The following CEP72 variants were observed in gnomAD, a reference collection of about 807,000 sequenced individuals.
CEP72 encodes the protein centrosomal protein 72.
CEP72 carries 78 observed loss-of-function variants against 65.7 expected under a neutral mutation model. The observed-to-expected ratio is 1.19, with a 90% CI of 0.99 to 1.43. The LOEUF (loss-of-function observed/expected upper bound fraction) is 1.43. CEP72 is among the 40% of genes most tolerant of loss of function. The probability of loss-of-function intolerance (pLI) is 0.00; values close to 1 mark genes in which losing one functional copy is unlikely to be tolerated. For missense variants in CEP72, 914 were observed against 832.9 expected, an observed-to-expected ratio of 1.10 and a Z score of -1.20; for synonymous variants, 358 against 351.7, an observed-to-expected ratio of 1.02 and a Z score of -0.20.
At chr5:619,283 C>T (rs186938985) in intron 2 of CEP72, among the ~76,000 whole-genome samples, 166 bp downstream of exon 2, 99 of 152,328 alleles carry the variant, frequency 6.5e-4, no homozygotes, top group Non-Finnish European at 5.9e-5. Context: ...TCATACACAT[C>T]ACGTTACGTT....
Position 639,848 on chromosome 5 carries a change from C to T in CEP72, c.1343-560C>T, listed in dbSNP as rs554311204. On this transcript the variant is annotated intron_variant, in intron 8 of 11. Coordinates refer to ENST00000264935, the MANE Select transcript of CEP72 (RefSeq NM_018140.4). Reference sequence around the variant, plus strand: ...AGCCTAGCCAGTGTGCTTCTCCCCGCAGACCCTGGGCACGGCTCTGAGCTG... The same window carrying T: ...AGCCTAGCCAGTGTGCTTCTCCCCGTAGACCCTGGGCACGGCTCTGAGCTG... Among the ~76,000 whole-genome samples the T allele has an allele frequency of 1.3e-5, 2 of 152,256 alleles. 1 individual carries two copies. Among genetic ancestry groups the T allele is most frequent in the South Asian group, 4.1e-4 (2 of 4,824 alleles).
rs1357013178 is a variant in CEP72, at chr5:640,551, G to T, written c.1486G>T (p.Ala496Ser). The change falls in exon 9 of 12, where the codon GCC (alanine) becomes TCC (serine). Residue 496 changes from alanine to serine, a missense_variant. By Grantham distance (99) the Ala-to-Ser change is moderately conservative (BLOSUM62 1). Transcript: ENST00000264935. ...CCTTGCTGAGCAGCAGCAGCAGCAC[G>T]CCCGGGAGATGAGCGAGGTGACGGC... is the stretch of plus-strand genomic sequence containing the variant. ...SRLAEQQQQH[A>S]REMSEVTAEL... is the part of the protein sequence containing the mutation. 1 of 1,614,056 alleles carries T rather than the reference G, an allele frequency of 6.2e-7. No individual in the cohort carries two copies.
At chr5:637,483 G>A (rs767160315) in intron 6 of CEP72, 34 bp from the exon 7 acceptor site, 1 of 1,581,892 alleles carries the variant, frequency 6.3e-7, no homozygotes, top group Non-Finnish European at 8.6e-7. Flanking sequence ...AGAGAATTTG[G>A]CCTGACGTGC....
intron 9 of CEP72, chr5:642,959 G>T (rs1738156643): frequency 1.0e-6 from 1 of 985,374 alleles, no homozygotes; most frequent in Admixed American, 6.1e-5. Flanking sequence ...CCCACTTCCA[G>T]CTGCTGTGCC....
intron 4 of CEP72, among the ~76,000 whole-genome samples, chr5:627,639 CTT>C (rs1344681523): frequency 2.0e-5 from 3 of 152,074 alleles, no homozygotes; most frequent in Admixed American, 2.0e-4. Flanking sequence ...ATTTGGAGCT[CTT>C]TTGTCTGCCA....
At chr5:649,450 T>G (rs1738760043) in intron 11 of CEP72, among the ~76,000 whole-genome samples, 2 of 21,186 alleles carry the variant, frequency 9.4e-5, no homozygotes, top group South Asian at 1.8e-3. Context: ...CTGTGAGGTG[T>G]GGACTGTGAG....
At chr5:672,040 G>A (rs1207603801), downstream of CEP72, among the ~76,000 whole-genome samples, 2 of 152,230 alleles carry the variant, frequency 1.3e-5, no homozygotes, top group Non-Finnish European at 2.9e-5. Flanking sequence ...TTGCCCTGTG[G>A]CGGCTGCCCT....
At chr5:663,800 G>A (rs1433990880) in intron 2 of CEP72, 1 of 152,398 alleles carries the variant, frequency 6.6e-6, no homozygotes, top group African/African-American at 2.4e-5. Flanking sequence ...TCCGCAGGTA[G>A]ACTCCAGAAC....
downstream of CEP72, among the ~76,000 whole-genome samples, chr5:658,093 G>A (rs1696423957): frequency 6.6e-6 from 1 of 152,236 alleles, no homozygotes; most frequent in African/African-American, 2.4e-5. Flanking sequence ...TTGAAGTTGT[G>A]TGTGTCCCTG....
In CEP72 at chr5:647,812, AAC is replaced by A; in HGVS notation, c.1676_1677del (p.Thr559LysfsTer41). 1 of 1,608,512 alleles carries A rather than the reference AAC, an allele frequency of 6.2e-7. No homozygotes were observed. The highest frequency in any genetic ancestry group is 8.5e-7 in the Non-Finnish European group (1 of 1,177,606). ...TLNLQIAGLQ[T>X]SVKRLCGEIV... ...TTTTTCTTTCTCTTTCAGGACTTCA[AAC>A]AAGTGTGAAGAGGCTGTGTGGCGAG... On this transcript the variant is annotated frameshift_variant, in exon 11 of 12. Coordinates refer to ENST00000264935, the MANE Select transcript of CEP72 (RefSeq NM_018140.4). LOFTEE classifies it high-confidence loss of function.
chr5:616,308 A>T (rs1399601270), intron 1 of CEP72, among the ~76,000 whole-genome samples: 3 of 151,874 alleles, frequency 2.0e-5, no homozygotes, highest in Non-Finnish European at 4.4e-5. Context: ...TTTTCTTTGA[A>T]ATTTCTATTT....
chr5:647,476 A>T (rs1738498914), intron 10 of CEP72, among the ~76,000 whole-genome samples: 1 of 152,118 alleles, frequency 6.6e-6, no homozygotes, highest in African/African-American at 2.4e-5. Flanking sequence ...TTCCTTGTGG[A>T]GGAGGAACCA....
At chr5:643,000 C>T (rs946237710) in intron 9 of CEP72, 1 of 985,358 alleles carries the variant, frequency 1.0e-6, no homozygotes, top group African/African-American at 1.7e-5. Context: ...ATGGGCTGCG[C>T]CCAGCTTGGG....
At chr5:669,229 C>T (rs981566999), downstream of CEP72, among the ~76,000 whole-genome samples, 20 of 152,160 alleles carry the variant, frequency 1.3e-4, no homozygotes, top group South Asian at 2.1e-4. Flanking sequence ...CCAGACCCGC[C>T]GGCCATAGGG....
Position 665,159 on chromosome 5 carries a change from A to G in CEP72, n.288-21A>G, listed in dbSNP as rs766450034. On this transcript the variant is annotated intron_variant and non_coding_transcript_variant, in intron 2 of 4. Coordinates refer to the CEP72 transcript ENST00000514507. The stretch of plus-strand genomic sequence containing the variant: ...TGCCTGCGTGCTTGTAGCCGGACAC[A>G]TAGCCTGACTCGTCCACCAGATCCA... The G allele has an allele frequency of 2.6e-5, 42 of 1,613,430 alleles. No homozygotes were observed. The Admixed American group carries it at 6.0e-4, about 23-fold the overall frequency.
chr5:631,672 T>C (rs374114057), intron 4 of CEP72, among the ~76,000 whole-genome samples: 5 of 47,672 alleles, frequency 1.0e-4, no homozygotes, highest in Admixed American at 2.2e-4. Context: ...TTCTGTCCAG[T>C]GCCGGGATTT....
chr5:643,463 C>G, intron 9 of CEP72: 2 of 985,372 alleles, frequency 2.0e-6, no homozygotes, highest in Non-Finnish European at 2.4e-6. Flanking sequence ...CCATGGGCGT[C>G]GGGGGCCTGG....
chr5:624,387 C>A lies in CEP72; in HGVS notation c.404-84C>A. On this transcript the variant is annotated intron_variant, in intron 3 of 11. Coordinates refer to ENST00000264935, the MANE Select transcript of CEP72 (RefSeq NM_018140.4). This position sits in a 1 kb window ranked among gnomAD's most constrained non-coding sequence, Gnocchi z 4.7. ...AGGGCTGGCCCCGAGGGGATGGACA[C>A]CCTGCCCCGTGTAGATGCCCCAGGG... is the stretch of plus-strand genomic sequence containing the variant. 2 of 930,202 alleles carry A rather than the reference C, an allele frequency of 2.2e-6. No individual in the cohort carries two copies. The highest frequency in any genetic ancestry group is 1.4e-5 in the South Asian group (1 of 73,142). The allele number at this position is 930,202 out of a possible 1,614,324, so 57.6% of individuals were successfully genotyped here.
Position 637,736 on chromosome 5 carries a change from GC to G in CEP72, c.1125del (p.Ser375ArgfsTer23), listed in dbSNP as rs1435632207. On this transcript the variant is annotated frameshift_variant, in exon 7 of 12. Transcript: ENST00000264935. LOFTEE classifies it high-confidence loss of function. ...CTGAGCAGACAGGACAGCTCAGAAA[GC>G]AGGAACGGGAGGACCTTGTCTCAGC... Reference protein sequence around the residue: ...ESLSRQDSSESRNGRTLSQPE... With the variant: ...ESLSRQDSSEXRNGRTLSQPE... 1.7e-5 allele frequency: 27 copies of G among 1,613,006 alleles called. No individual in the cohort carries two copies. The highest frequency in any genetic ancestry group is 2.1e-5 in the Non-Finnish European group (25 of 1,179,802).
Sources: gnomAD v4.1 joint callset for allele counts (sites outside exome capture counted in the v4.1 genomes callset) on GRCh38, gnomAD v4.1.1 for gene constraint, Gnocchi (gnomAD v3.1) non-coding constraint, MANE v1.5 for transcripts, NCBI Gene and HGNC (gene_info 2026-07-23, HGNC 2026-07-21) for gene names.